The following ACSS2 variants were observed in gnomAD, a reference collection of about 807,000 sequenced individuals.
The protein encoded by ACSS2 is acetyl-coenzyme A synthetase, cytoplasmic.
ACSS2 carries 58 observed loss-of-function variants against 90.6 expected under a neutral mutation model. That is an observed-to-expected ratio of 0.64 (90% CI 0.52 to 0.80). The LOEUF is 0.80. Ranked by LOEUF, ACSS2 falls within the 30% of genes least tolerant of loss-of-function variation. ACSS2 has a pLI of 0.00. For missense variants in ACSS2, 759 were observed against 912.0 expected (o/e 0.83, Z 2.16); for synonymous variants, 300 against 330.9 (o/e 0.91, Z 1.01).
At chr20:34,913,255 G>A in intron 3 of ACSS2, 68 bp downstream of exon 3, 1 of 1,571,602 alleles carries the variant, frequency 6.4e-7, no homozygotes, top group Non-Finnish European at 8.8e-7. Flanking sequence ...TGAGACTTAT[G>A]GGGAGAGGGC....
chr20:34,925,978 C>A, intron 15 of ACSS2, 127 bp from the exon 16 acceptor site: 1 of 1,081,406 alleles, frequency 9.2e-7, no homozygotes, highest in Non-Finnish European at 1.4e-6. Context: ...GAAAGCATGT[C>A]ATCTGAGGAG....
At chr20:34,902,714 A>G (rs950134041) in intron 2 of ACSS2, among the ~76,000 whole-genome samples, 15 of 145,060 alleles carry the variant, frequency 1.0e-4, no homozygotes, top group South Asian at 2.1e-4. Context: ...ATTGTTGTTT[A>G]ATTAATTAAT....
At chr20:34,890,648 G>C (rs919337948) in intron 2 of ACSS2, among the ~76,000 whole-genome samples, 2 of 152,114 alleles carry the variant, frequency 1.3e-5, no homozygotes, top group African/African-American at 4.8e-5. Flanking sequence ...AACACATTTG[G>C]TATCGTTGAT....
intron 7 of ACSS2, among the ~76,000 whole-genome samples, chr20:34,919,076 G>A (rs2081136005): frequency 6.6e-6 from 1 of 152,168 alleles, no homozygotes; most frequent in African/African-American, 2.4e-5. Context: ...AATAATAATA[G>A]CAGGGTTGGG....
At chr20:34,906,737 C>T (rs1043663565) in intron 2 of ACSS2, among the ~76,000 whole-genome samples, 1 of 152,010 alleles carries the variant, frequency 6.6e-6, no homozygotes, top group African/African-American at 2.4e-5. Context: ...AATCCCAGCA[C>T]TTTGGGAGGC....
chr20:34,909,987 G>C (rs2080910862), intron 2 of ACSS2, among the ~76,000 whole-genome samples: 1 of 151,088 alleles, frequency 6.6e-6, no homozygotes, highest in Non-Finnish European at 1.5e-5. Context: ...AAAGTGCTGG[G>C]AATACAGGTG....
chr20:34,904,992 A>G (rs1475951003), intron 2 of ACSS2, among the ~76,000 whole-genome samples: 1 of 140,564 alleles, frequency 7.1e-6, no homozygotes, highest in Non-Finnish European at 1.5e-5. Context: ...AACGTGGCTC[A>G]CTGCAGCCTT....
At chr20:34,898,709 C>T (rs535283488) in intron 2 of ACSS2, among the ~76,000 whole-genome samples, 72 of 152,368 alleles carry the variant, frequency 4.7e-4, no homozygotes, top group African/African-American at 1.7e-3. Flanking sequence ...CTCCACTTCC[C>T]CACCAGACTC....
chr20:34,914,769 C>T (rs980518444), intron 7 of ACSS2, among the ~76,000 whole-genome samples: 8 of 152,160 alleles, frequency 5.3e-5, no homozygotes, highest in Admixed American at 4.6e-4. Context: ...ATAGTCATCT[C>T]CATTACTAGG....
At position 34,913,735 on chromosome 20, in the gene ACSS2, C is replaced by G; in HGVS notation, c.571-18C>G. On this transcript the variant is annotated intron_variant, in intron 4 of 17. Coordinates refer to ENST00000360596, the MANE Select transcript of ACSS2 (RefSeq NM_018677.4). ...CTGGGGCTTTCTTCTCTCCCTCAGA[C>G]TTTCTTCCCTTCCCTAGTTTGCAGG... 1.9e-6 allele frequency: 3 copies of G among 1,612,702 alleles called. No homozygotes were observed. Among genetic ancestry groups the G allele is most frequent in the Non-Finnish European group, 2.5e-6 (3 of 1,178,704 alleles).
chr20:34,923,061 T>C (rs1327830806), intron 13 of ACSS2: 1 of 393,878 alleles, frequency 2.5e-6, no homozygotes, highest in African/African-American at 2.0e-5. Flanking sequence ...ATACTATTAA[T>C]TTAATCCTCA....
At chr20:34,912,229 G>A (rs1226257520) in intron 2 of ACSS2, among the ~76,000 whole-genome samples, 1 of 152,238 alleles carries the variant, frequency 6.6e-6, no homozygotes, top group Non-Finnish European at 1.5e-5. Context: ...AGGAAGGAGT[G>A]GGAGGCAAGG....
intron 1 of ACSS2, among the ~76,000 whole-genome samples, chr20:34,880,475 T>C (rs1458849052): frequency 6.6e-6 from 1 of 151,504 alleles, no homozygotes; most frequent in Admixed American, 6.6e-5. Flanking sequence ...GCCAGGGAGA[T>C]GGAGGTTACA....
intron 2 of ACSS2, among the ~76,000 whole-genome samples, chr20:34,907,595 TTA>T (rs1233685599): frequency 6.6e-6 from 1 of 152,200 alleles, no homozygotes; most frequent in African/African-American, 2.4e-5. Context: ...GTTTGTATAT[TTA>T]TATGTGATTT....
Position 34,899,423 on chromosome 20 carries a change from TTTCCTTCCTTCC to T in ACSS2, c.375-13638_375-13627del, listed in dbSNP as rs71196768. Reference sequence around the variant, plus strand: ...CTTTCCTTCTTTCTTTCTTTCTTTCTTTCCTTCCTTCCTTCCTTCCTTCCTTCCTTCCTTCCT... The same window carrying T: ...CTTTCCTTCTTTCTTTCTTTCTTTCTTTCCTTCCTTCCTTCCTTCCTTCCT... On this transcript the variant is annotated intron_variant, in intron 2 of 17. Coordinates refer to ENST00000360596, the MANE Select transcript of ACSS2 (RefSeq NM_018677.4). 3.9e-3 allele frequency among the ~76,000 whole-genome samples: 442 copies of T among 113,072 alleles called. 3 individuals are homozygous for T. Among genetic ancestry groups the T allele is most frequent in the Admixed American group, 5.8e-3 (62 of 10,668 alleles). The allele number at this position is 113,072 out of a possible 152,430, so 74.2% of individuals were successfully genotyped here. A position where few individuals can be genotyped will look rare whatever the true frequency, so the allele number is the denominator to read the frequency against.
intron 2 of ACSS2, among the ~76,000 whole-genome samples, chr20:34,888,382 T>G (rs533212069): frequency 6.6e-6 from 1 of 152,278 alleles, no homozygotes; most frequent in South Asian, 2.1e-4. Context: ...AAAAAAAACA[T>G]GTCAAATTCC....
chr20:34,925,719 G>A lies in ACSS2; in HGVS notation c.1679G>A (p.Gly560Asp). 1 of 1,613,764 alleles carries A rather than the reference G, an allele frequency of 6.2e-7. No individual in the cohort carries two copies. Among genetic ancestry groups the A allele is most frequent in the Non-Finnish European group, 8.5e-7 (1 of 1,179,890 alleles). ...CCAGGCTGCCAGCGGGACCAGGATG[G>A]CTATTACTGGATCACTGGCAGGATT... ...TGDGCQRDQD[G>D]YYWITGRIDD... is the part of the protein sequence containing the mutation. The change falls in exon 15 of 18, where the codon GGC becomes GAC. Residue 560 changes from glycine (G) to aspartate (D), a missense_variant. Gly to Asp is a moderately conservative substitution (Grantham distance 94, BLOSUM62 -1). Transcript: ENST00000360596.
intron 7 of ACSS2, among the ~76,000 whole-genome samples, chr20:34,916,224 C>T (rs568803100): frequency 2.0e-5 from 3 of 152,306 alleles, no homozygotes; most frequent in South Asian, 2.1e-4. Flanking sequence ...AGGTGACAAA[C>T]TTAGTGGCTT....
intron 2 of ACSS2, among the ~76,000 whole-genome samples, chr20:34,895,848 G>A (rs1439402331): frequency 6.6e-6 from 1 of 152,208 alleles, no homozygotes; most frequent in Non-Finnish European, 1.5e-5. Context: ...CAGGAATAGA[G>A]TACCGTAGAT....
Sources: gnomAD v4.1 joint callset for allele counts (sites outside exome capture counted in the v4.1 genomes callset) on GRCh38, gnomAD v4.1.1 for gene constraint, MANE v1.5 for transcripts, NCBI Gene and HGNC (gene_info 2026-07-23, HGNC 2026-07-21) for gene names.